Variants in NRG3 observed in about 807,000 individuals in gnomAD.
The protein encoded by NRG3 is neuregulin 3.
NRG3 carries 31 observed loss-of-function variants against 66.9 expected under a neutral mutation model. The observed-to-expected ratio is 0.46, with a 90% CI of 0.35 to 0.63. The LOEUF is 0.63. NRG3 is among the 20% of genes least tolerant of loss of function. The pLI is 0.00. For synonymous variants in NRG3, 393 were observed against 359.4 expected (o/e 1.09, Z -1.06); for missense variants, 910 against 878.9 (o/e 1.04, Z -0.45).
At chr10:82,382,135 A>G (rs952387694) in intron 2 of NRG3, among the ~76,000 whole-genome samples, 1 of 152,054 alleles carries the variant, frequency 6.6e-6, no homozygotes, top group Non-Finnish European at 1.5e-5. Flanking sequence ...TATTACCTTT[A>G]TAGAAATACA....
At chr10:81,880,026 C>CT (rs987743052) in intron 1 of NRG3, among the ~76,000 whole-genome samples, 6 of 152,034 alleles carry the variant, frequency 3.9e-5, no homozygotes, top group Middle Eastern at 3.4e-3. Context: ...CAATTGAGAG[C>CT]TTTTTTTTAT....
intron 2 of NRG3, among the ~76,000 whole-genome samples, chr10:82,483,655 A>C (rs555050680): frequency 6.6e-6 from 1 of 152,308 alleles, no homozygotes; most frequent in African/African-American, 2.4e-5. Flanking sequence ...CCTTTTAAAA[A>C]GGTTTTCCTC....
intron 1 of NRG3, among the ~76,000 whole-genome samples, chr10:82,055,089 A>T (rs2063771042): frequency 6.6e-6 from 1 of 152,046 alleles, no homozygotes; most frequent in Non-Finnish European, 1.5e-5. Flanking sequence ...AACAGAAAAG[A>T]AAAGCAAAAA....
chr10:82,146,224 T>C (rs1185130339), intron 1 of NRG3, among the ~76,000 whole-genome samples: 5 of 152,224 alleles, frequency 3.3e-5, no homozygotes, highest in African/African-American at 9.6e-5. Flanking sequence ...AGCCTGCATA[T>C]TTTCAGATCC....
intron 1 of NRG3, among the ~76,000 whole-genome samples, chr10:82,094,856 A>G (rs916145666): frequency 6.6e-6 from 1 of 152,158 alleles, no homozygotes; most frequent in South Asian, 2.1e-4. Flanking sequence ...ATGGACATAC[A>G]GTATGGAATA....
intron 2 of NRG3, among the ~76,000 whole-genome samples, chr10:82,647,253 T>C (rs1305113709): frequency 6.6e-6 from 1 of 151,404 alleles, no homozygotes; most frequent in African/African-American, 2.4e-5. Flanking sequence ...GAATATGCGG[T>C]GTTTGGTTTT....
intron 2 of NRG3, among the ~76,000 whole-genome samples, chr10:82,425,363 T>C (rs954698852): frequency 1.8e-4 from 27 of 150,862 alleles, no homozygotes; most frequent in Non-Finnish European, 1.5e-5. Context: ...TTTCTTAAGT[T>C]TGTTTTTAAG....
At chr10:82,048,381 GA>G (rs1190789490) in intron 1 of NRG3, among the ~76,000 whole-genome samples, 9 of 152,084 alleles carry the variant, frequency 5.9e-5, no homozygotes, top group African/African-American at 1.4e-4. Flanking sequence ...TAAAAGAACA[GA>G]AATTATAACA....
chr10:82,647,806 T>A (rs1024853299), intron 2 of NRG3, among the ~76,000 whole-genome samples: 1 of 152,086 alleles, frequency 6.6e-6, no homozygotes, highest in Non-Finnish European at 1.5e-5. Flanking sequence ...TGTCTTCTTT[T>A]GAGAAGTGTC....
chr10:82,610,268 T>C (rs928976376), intron 2 of NRG3, among the ~76,000 whole-genome samples: 3 of 152,204 alleles, frequency 2.0e-5, no homozygotes, highest in African/African-American at 4.8e-5. Context: ...ACAAACTCTC[T>C]ACTTTAGGAT....
At chr10:82,403,679 G>A (rs2087283008) in intron 2 of NRG3, among the ~76,000 whole-genome samples, 1 of 152,136 alleles carries the variant, frequency 6.6e-6, no homozygotes, top group Admixed American at 6.6e-5. Context: ...GATATTTCTA[G>A]AATTGAAAAC....
chr10:81,992,184 T>C (rs962743826), intron 1 of NRG3, among the ~76,000 whole-genome samples: 2 of 152,118 alleles, frequency 1.3e-5, no homozygotes, highest in African/African-American at 4.8e-5. Flanking sequence ...CAAATAATAG[T>C]TTAAAAAATA....
rs1025369471 is a variant in NRG3, at chr10:82,868,757, A to G, written c.1054+3320A>G. Among the ~76,000 whole-genome samples, 7 of 152,294 alleles carry G rather than the reference A, an allele frequency of 4.6e-5. No homozygotes were observed. The East Asian group carries it at 1.4e-3, about 29-fold the overall frequency. ...GCCCAGGCTGGAGTGCAGTAGCACA[A>G]TCTTGGCTCATTGCAACCTCCGCCT... On this transcript the variant is annotated intron_variant, in intron 4 of 8. Coordinates refer to ENST00000372141, the MANE Select transcript of NRG3 (RefSeq NM_001010848.4).
chr10:82,595,869 A>G (rs913055056), intron 2 of NRG3, among the ~76,000 whole-genome samples: 4 of 152,114 alleles, frequency 2.6e-5, no homozygotes, highest in African/African-American at 9.7e-5. Flanking sequence ...TGGGCAATTC[A>G]TTTAACTGCT....
At chr10:82,897,843 T>C (rs1221278876) in intron 4 of NRG3, among the ~76,000 whole-genome samples, 2 of 152,204 alleles carry the variant, frequency 1.3e-5, no homozygotes, top group African/African-American at 2.4e-5. Context: ...CTTAATGTGT[T>C]AGGTAATAAT....
chr10:82,641,515 C>T (rs1242962606), intron 2 of NRG3, among the ~76,000 whole-genome samples: 1 of 152,044 alleles, frequency 6.6e-6, no homozygotes, highest in East Asian at 1.9e-4. Flanking sequence ...AATGGCTAAT[C>T]CTAGGTCTGG....
At chr10:82,408,131 GAAA>G (rs2087751673) in intron 2 of NRG3, among the ~76,000 whole-genome samples, 2 of 129,866 alleles carry the variant, frequency 1.5e-5, no homozygotes, top group East Asian at 4.8e-4. Flanking sequence ...AAGAAAGAAA[GAAA>G]GAAAGAAAGA....
At chr10:82,165,158 T>C (rs1456921109) in intron 1 of NRG3, among the ~76,000 whole-genome samples, 1 of 152,164 alleles carries the variant, frequency 6.6e-6, no homozygotes, top group Non-Finnish European at 1.5e-5. Flanking sequence ...TTTATGCTGT[T>C]ATATTTTATT....
intron 4 of NRG3, among the ~76,000 whole-genome samples, chr10:82,869,518 T>A (rs961750628): frequency 9.2e-5 from 14 of 152,050 alleles, no homozygotes. Context: ...AAAAATCATT[T>A]GTGTTCTTTC....
Sources: gnomAD v4.1 joint callset for allele counts (sites outside exome capture counted in the v4.1 genomes callset) on GRCh38, gnomAD v4.1.1 for gene constraint, MANE v1.5 for transcripts, NCBI Gene and HGNC (gene_info 2026-07-23, HGNC 2026-07-21) for gene names.